ELAVL4: variants seen among roughly 807,000 people sequenced by gnomAD.
ELAVL4 encodes ELAV like RNA binding protein 4, also known as ELAV-like protein 4.
In ELAVL4, 1 loss-of-function variant was observed where a neutral mutation model predicts 35.6. The ratio of observed to expected loss-of-function variants is 0.03; its 90% CI spans 0.01 to 0.13. ELAVL4 has a LOEUF of 0.13. Among genes scored for constraint, ELAVL4 ranks in the 10% least tolerant of loss-of-function variants. ELAVL4 has a pLI of 1.00. For synonymous variants in ELAVL4, 156 were observed against 171.0 expected (o/e 0.91, Z 0.69); for missense variants, 267 against 464.9 (o/e 0.57, Z 3.91).
chr1:50,131,509 G>T (rs1321237844), intron 1 of ELAVL4, among the ~76,000 whole-genome samples: 1 of 152,020 alleles, frequency 6.6e-6, no homozygotes, highest in East Asian at 1.9e-4. Flanking sequence ...AGAACAATGG[G>T]CCGAGTGCGG....
chr1:50,158,811 C>A (rs1002774469), intron 2 of ELAVL4, among the ~76,000 whole-genome samples: 2 of 152,094 alleles, frequency 1.3e-5, no homozygotes, highest in Non-Finnish European at 1.5e-5. Flanking sequence ...GAGTCCAAGG[C>A]GGGTGGATCA....
chr1:50,082,171 T>G (rs2148497054), intron 1 of ELAVL4, among the ~76,000 whole-genome samples: 1 of 152,326 alleles, frequency 6.6e-6, no homozygotes, highest in South Asian at 2.1e-4. Context: ...GTGGAATGAT[T>G]TATAATCCTT....
chr1:50,096,800 C>T (rs1346120119), intron 1 of ELAVL4, among the ~76,000 whole-genome samples: 1 of 152,106 alleles, frequency 6.6e-6, no homozygotes, highest in Non-Finnish European at 1.5e-5. Context: ...TTGTTGTCCC[C>T]AGTTTAAATA....
At chr1:50,146,770 T>C (rs1673800151) in intron 2 of ELAVL4, among the ~76,000 whole-genome samples, 1 of 152,198 alleles carries the variant, frequency 6.6e-6, no homozygotes, top group Non-Finnish European at 1.5e-5. Context: ...TACTCCTATA[T>C]AGAAAATGTA....
intron 2 of ELAVL4, among the ~76,000 whole-genome samples, chr1:50,166,875 A>G (rs751939155): frequency 6.6e-6 from 1 of 152,196 alleles, no homozygotes; most frequent in African/African-American, 2.4e-5. Flanking sequence ...CAAAGTGTCC[A>G]GGCAGCAATC....
At chr1:50,068,697 T>C (rs913607084) in intron 1 of ELAVL4, among the ~76,000 whole-genome samples, 1 of 152,230 alleles carries the variant, frequency 6.6e-6, no homozygotes, top group Non-Finnish European at 1.5e-5. Context: ...TAAGAACTGA[T>C]TTTTGAATTG....
intron 2 of ELAVL4, among the ~76,000 whole-genome samples, chr1:50,149,431 A>G (rs1674346865): frequency 6.6e-6 from 1 of 152,042 alleles, no homozygotes; most frequent in Non-Finnish European, 1.5e-5. Context: ...GTGTAAGACA[A>G]CAAACAGTTT....
intron 1 of ELAVL4, among the ~76,000 whole-genome samples, chr1:50,065,643 A>C (rs1399986748): frequency 6.6e-6 from 1 of 152,220 alleles, no homozygotes; most frequent in East Asian, 1.9e-4. Context: ...TGTATCAGTT[A>C]CCTATTGCTG....
At chr1:50,098,853 G>A (rs948428747) in intron 1 of ELAVL4, among the ~76,000 whole-genome samples, 14 of 152,044 alleles carry the variant, frequency 9.2e-5, no homozygotes, top group Non-Finnish European at 1.3e-4. Context: ...CATCCTTTCT[G>A]GGCATAAGAG....
intron 6 of ELAVL4, 35 bp downstream of exon 6, chr1:50,197,502 G>C: frequency 6.5e-7 from 1 of 1,532,684 alleles, no homozygotes; most frequent in South Asian, 1.3e-5. Context: ...AGATGTCCAT[G>C]TTGGCACAGA....
intron 1 of ELAVL4, among the ~76,000 whole-genome samples, chr1:50,138,347 C>T (rs1672243076): frequency 6.6e-6 from 1 of 152,100 alleles, no homozygotes; most frequent in Admixed American, 6.6e-5. Flanking sequence ...TTTGAGTGTA[C>T]ATTTTTCTGA....
chr1:50,080,673 G>A (rs1664968638), intron 1 of ELAVL4, among the ~76,000 whole-genome samples: 1 of 152,148 alleles, frequency 6.6e-6, no homozygotes, highest in South Asian at 2.1e-4. Flanking sequence ...CTTTGGGCAT[G>A]TCGTTTCCTT....
At chr1:50,086,881 T>C (rs1331954178) in intron 1 of ELAVL4, among the ~76,000 whole-genome samples, 7 of 152,102 alleles carry the variant, frequency 4.6e-5, no homozygotes, top group Non-Finnish European at 8.8e-5. Context: ...GTGCATTCTC[T>C]CGGGGACTCT....
intron 1 of ELAVL4, 46 bp from the exon 2 acceptor site, chr1:50,144,911 T>C: frequency 6.3e-7 from 1 of 1,590,418 alleles, no homozygotes; most frequent in Middle Eastern, 1.7e-4. Context: ...AGACTTTGTG[T>C]CTGAGATTTC....
chr1:50,171,793 C>T (rs771463920), intron 2 of ELAVL4, among the ~76,000 whole-genome samples: 1 of 152,188 alleles, frequency 6.6e-6, no homozygotes, highest in Admixed American at 6.5e-5. Context: ...AGATTTAAGC[C>T]TGCTGAAAGC....
intron 1 of ELAVL4, chr1:50,048,208 G>A: frequency 6.6e-6 from 10 of 1,506,980 alleles, no homozygotes; most frequent in Non-Finnish European, 8.9e-6. Context: ...CGCAGGCCCC[G>A]CACCCCCGAC....
chr1:50,062,123 A>G (rs1474757128), intron 1 of ELAVL4, among the ~76,000 whole-genome samples: 1 of 152,226 alleles, frequency 6.6e-6, no homozygotes, highest in East Asian at 1.9e-4. Context: ...CATCCAGTTA[A>G]GTATCCTTTG....
chr1:50,182,359 C>T (rs966585045), intron 3 of ELAVL4, among the ~76,000 whole-genome samples: 25 of 152,314 alleles, frequency 1.6e-4, no homozygotes, highest in South Asian at 4.1e-4. Context: ...CTAAACCTTT[C>T]AGAGTGTTGG....
At chr1:50,079,625 A>C (rs1664922038) in intron 1 of ELAVL4, among the ~76,000 whole-genome samples, 1 of 152,206 alleles carries the variant, frequency 6.6e-6, no homozygotes, top group Admixed American at 6.5e-5. Context: ...AACTAAAGTT[A>C]TTCTGTTTCA....
Sources: allele counts gnomAD v4.1 joint callset (sites outside exome capture counted in the v4.1 genomes callset), GRCh38; gene constraint gnomAD v4.1.1; transcripts MANE v1.5; gene names NCBI Gene and HGNC (gene_info 2026-07-23, HGNC 2026-07-21).